DTD2: variants seen among roughly 807,000 people sequenced by gnomAD.
DTD2 encodes D-tyrosyl-tRNA deacylase 2 (putative).
In DTD2, 12 loss-of-function variants were observed where a neutral mutation model predicts 15.5. The observed-to-expected ratio is 0.77, with a 90% confidence interval of 0.50 to 1.25. The LOEUF (loss-of-function observed/expected upper bound fraction) is 1.25. Ranked by LOEUF, DTD2 falls within the 50% of genes most tolerant of loss-of-function variation. The pLI, the probability that DTD2 is intolerant of heterozygous loss-of-function variation, is 0.00. For synonymous variants in DTD2, 59 were observed against 77.3 expected (o/e 0.76, Z 1.24); for missense variants, 170 against 201.1 (o/e 0.85, Z 0.93).
intron 1 of DTD2, 46 bp downstream of exon 1, chr14:31,457,237 C>T: frequency 6.6e-7 from 1 of 1,517,814 alleles, no homozygotes; most frequent in Non-Finnish European, 8.9e-7. Flanking sequence ...CGGAAAAAAC[C>T]GCCCCGCACG....
At chr14:31,457,069 G>C (rs141009922) in intron 1 of DTD2, 270 of 569,548 alleles carry the variant, frequency 4.7e-4, no homozygotes, top group African/African-American at 3.3e-3. Flanking sequence ...CTTCCTCTCG[G>C]GTGCTACAAC....
At chr14:31,448,768 C>G (rs1484642880) in intron 2 of DTD2, among the ~76,000 whole-genome samples, 1 of 152,192 alleles carries the variant, frequency 6.6e-6, no homozygotes, top group Non-Finnish European at 1.5e-5. Context: ...TATTGTTCCC[C>G]TGGGGGAATA....
chr14:31,452,967 T>A, intron 2 of DTD2: 1 of 183,160 alleles, frequency 5.5e-6, no homozygotes, highest in Non-Finnish European at 1.1e-5. Context: ...AGACAGGGTC[T>A]CACTCTGTTG....
chr14:31,457,133 C>T (rs985534583), intron 1 of DTD2, 150 bp downstream of exon 1: 6 of 686,430 alleles, frequency 8.7e-6, no homozygotes, highest in Non-Finnish European at 1.5e-5. Flanking sequence ...GCCAGGCAGG[C>T]CACCGCGGCC....
chr14:31,448,260 A>G lies in DTD2; in HGVS notation c.376T>C (p.Cys126Arg). The change falls in exon 3 of 3, where the codon TGT becomes CGT. Residue 126 changes from cysteine (C) to arginine (R), a missense_variant. By Grantham distance (180) the Cys-to-Arg change is radical. Coordinates refer to ENST00000310850, the MANE Select transcript of DTD2 (RefSeq NM_080664.3). ...FELYSQFVTL[C>R]EKEVAANSKC... ...CTATTAGCAGCTACTTCTTTTTCAC[A>G]TAGAGTCACAAATTGAGAGTAAAGT... 1.9e-6 allele frequency: 3 copies of G among 1,614,130 alleles called. No homozygotes were observed. The highest frequency in any genetic ancestry group is 1.6e-4 in the Middle Eastern group (1 of 6,062).
chr14:31,451,415 T>A (rs2032032569), intron 2 of DTD2, among the ~76,000 whole-genome samples: 1 of 151,994 alleles, frequency 6.6e-6, no homozygotes, highest in Non-Finnish European at 1.5e-5. Flanking sequence ...CTCAAAGTGC[T>A]GGGATTACAG....
At chr14:31,457,222 C>T (rs2032105860) in intron 1 of DTD2, 61 bp downstream of exon 1, 4 of 1,445,978 alleles carry the variant, frequency 2.8e-6, no homozygotes, top group Non-Finnish European at 2.8e-6. Context: ...GTCACCGAGA[C>T]AACGCGGAAA....
chr14:31,448,321 T>C lies in DTD2; in HGVS notation c.315A>G (p.Gln105=), dbSNP rs1807429585. The change falls in exon 3 of 3, where the codon CAA becomes CAG. Residue 105 remains glutamine (Q), a synonymous_variant. Transcript: ENST00000310850. ...LGGRLKGRNM[Q]YHSNSGKEEG... is the part of the protein sequence containing the mutation. ...CTTCTTTTCCAGAGTTAGAGTGATA[T>C]TGCATGTTTCTTCCTTTTAGTCTTC... 1.2e-6 allele frequency: 2 copies of C among 1,614,090 alleles called. No homozygotes were observed. Among genetic ancestry groups the C allele is most frequent in the African/African-American group, 1.3e-5 (1 of 74,946 alleles).
intron 1 of DTD2, among the ~76,000 whole-genome samples, chr14:31,453,932 A>T (rs2032067913): frequency 6.6e-6 from 1 of 152,226 alleles, no homozygotes; most frequent in Non-Finnish European, 1.5e-5. Flanking sequence ...TGCATTTGTG[A>T]TAGTAAATTC....
At position 31,453,376 on chromosome 14, in the gene DTD2, AC is replaced by A. The variant is rs776436723; in HGVS notation, c.112-33del. ...GAAATCACCACAGTAAACTCAGATT[AC>A]AACAATATCTGTAAAGATACAGGGC... On this transcript the variant is annotated intron_variant, in intron 1 of 2. Coordinates refer to ENST00000310850, the MANE Select transcript of DTD2 (RefSeq NM_080664.3). The A allele has an allele frequency of 3.1e-6, 5 of 1,589,318 alleles. No homozygotes were observed. In the African/African-American group the frequency reaches 5.4e-5, roughly 17 times the overall value.
chr14:31,448,235 C>A lies in DTD2; in HGVS notation c.401G>T (p.Ser134Ile). 3 of 1,614,190 alleles carry A rather than the reference C, an allele frequency of 1.9e-6. No individual in the cohort carries two copies. Among genetic ancestry groups the A allele is most frequent in the African/African-American group, 1.3e-5 (1 of 75,058 alleles). Residue 134 changes from serine (S) to isoleucine (I), a missense_variant, in exon 3 of 3, where the codon AGC (serine) becomes ATC (isoleucine). Physicochemically the swap from Ser to Ile is moderately radical, Grantham distance 142 (BLOSUM62 -2). Transcript: ENST00000310850. ...TACAACCCTAGCTTCAGCACACTTG[C>A]TATTAGCAGCTACTTCTTTTTCACA... ...TLCEKEVAANSKCAEARVVVE... is the reference protein window; with the variant it reads ...TLCEKEVAANIKCAEARVVVE...
chr14:31,448,413 C>T lies in DTD2; in HGVS notation c.223G>A (p.Gly75Ser). 6.2e-7 allele frequency: 1 copy of T among 1,613,514 alleles called. No homozygotes were observed. The highest frequency in any genetic ancestry group is 8.5e-7 in the Non-Finnish European group (1 of 1,179,802). ...AGATCCAATATAGAGACATGCTTGC[C>T]ATTTTCTGTCTCACTTAATTTCACA... ...LNVKLSETEN[G>S]KHVSILDLPG... The change falls in exon 3 of 3, where the codon GGC becomes AGC. Residue 75 changes from glycine to serine, a missense_variant. Coordinates refer to ENST00000310850, the MANE Select transcript of DTD2 (RefSeq NM_080664.3).
chr14:31,457,025 A>C, intron 1 of DTD2: 1 of 521,648 alleles, frequency 1.9e-6, no homozygotes, highest in South Asian at 2.2e-5. Context: ...TCAGTTTCAA[A>C]TACCTGTGGT....
Position 31,457,340 on chromosome 14 carries a change from C to G in DTD2, c.54G>C (p.Leu18=), listed in dbSNP as rs762863688. ...PQARALLQQC[L]HARLQIRPAD... is the part of the protein sequence containing the mutation. Reference sequence around the variant, plus strand: ...CTGGGCGAATTTGCAGCCGGGCGTGCAGGCACTGCTGTAGGAGCGCCCGGG... The same window carrying G: ...CTGGGCGAATTTGCAGCCGGGCGTGGAGGCACTGCTGTAGGAGCGCCCGGG... Residue 18 remains leucine, a synonymous_variant, in exon 1 of 3, where the codon CTG becomes CTC. Transcript: ENST00000310850. 5.6e-6 allele frequency: 9 copies of G among 1,595,526 alleles called. No individual in the cohort carries two copies. The East Asian group carries it at 2.0e-4, about 36-fold the overall frequency.
rs2031964825 is a variant in DTD2, at chr14:31,446,805, A to C, written c.*1324T>G. The C allele has an allele frequency of 6.6e-6, 1 of 152,180 alleles. No individual in the cohort carries two copies. The highest frequency in any genetic ancestry group is 2.1e-4 in the South Asian group (1 of 4,828). 9.4% of individuals were successfully genotyped at this position (152,180 alleles called of 1,614,324 possible). A position where few individuals can be genotyped will look rare whatever the true frequency, so the allele number is the denominator to read the frequency against. Reference sequence around the variant, plus strand: ...CAGATAATATGGAAATGAACAAGTCAATTTGTTTTCAAACTATTCTTATGG... The same window carrying C: ...CAGATAATATGGAAATGAACAAGTCCATTTGTTTTCAAACTATTCTTATGG... On this transcript the variant is annotated 3_prime_UTR_variant, in exon 3 of 3. Coordinates refer to ENST00000310850, the MANE Select transcript of DTD2 (RefSeq NM_080664.3).
intron 2 of DTD2, among the ~76,000 whole-genome samples, chr14:31,449,392 G>A (rs1185362748): frequency 6.6e-6 from 1 of 152,148 alleles, no homozygotes; most frequent in Admixed American, 6.5e-5. Context: ...TGAGAGAAGG[G>A]TAAAGGTGAA....
intron 2 of DTD2, 83 bp from the exon 3 acceptor site, chr14:31,448,537 A>C: frequency 7.9e-4 from 987 of 1,255,564 alleles, no homozygotes; most frequent in Non-Finnish European, 9.9e-4. Flanking sequence ...AGCAAATCTC[A>C]TGTTTAAAAT....
intron 2 of DTD2, 128 bp downstream of exon 2, chr14:31,453,147 C>T: frequency 1.3e-6 from 1 of 794,192 alleles, no homozygotes; most frequent in Non-Finnish European, 2.1e-6. Context: ...CTATGTTGCC[C>T]AGGCTGGCTT....
chr14:31,457,119 C>T, intron 1 of DTD2, 164 bp downstream of exon 1: 1 of 629,082 alleles, frequency 1.6e-6, no homozygotes, highest in Non-Finnish European at 2.8e-6. Context: ...AAAAGACAAG[C>T]GCAGCCAGGC....
Sources: gnomAD v4.1 joint callset for allele counts (sites outside exome capture counted in the v4.1 genomes callset) on GRCh38, gnomAD v4.1.1 for gene constraint, MANE v1.5 for transcripts, NCBI Gene and HGNC (gene_info 2026-07-23, HGNC 2026-07-21) for gene names.